PRDM16: variants seen among roughly 807,000 people sequenced by gnomAD.
PRDM16 encodes the protein PR/SET domain 16, also known as histone-lysine N-methyltransferase PRDM16.
In PRDM16, 23 loss-of-function variants were observed where a neutral mutation model predicts 110.6. The observed-to-expected ratio is 0.21, with a 90% CI of 0.15 to 0.29. PRDM16 has a LOEUF of 0.29. Ranked by LOEUF, PRDM16 falls within the 10% of genes least tolerant of loss-of-function variation. The pLI is 1.00. For synonymous variants in PRDM16, 799 were observed against 781.8 expected (o/e 1.02, Z -0.37); for missense variants, 1,615 against 1,794.3 (o/e 0.90, Z 1.81).
chr1:3,393,853 C>G (rs1044560329), intron 4 of PRDM16, among the ~76,000 whole-genome samples: 1 of 152,212 alleles, frequency 6.6e-6, no homozygotes, highest in Non-Finnish European at 1.5e-5. Context: ...GACCCCCGCC[C>G]CCGCCCCGCC....
chr1:3,374,633 C>G (rs1243694885), intron 3 of PRDM16, among the ~76,000 whole-genome samples: 1 of 152,148 alleles, frequency 6.6e-6, no homozygotes, highest in Non-Finnish European at 1.5e-5. Flanking sequence ...CATCTGAGAC[C>G]CTCCGGAAGG....
intron 3 of PRDM16, among the ~76,000 whole-genome samples, chr1:3,298,952 C>G (rs958442143): frequency 6.6e-6 from 1 of 152,232 alleles, no homozygotes; most frequent in Non-Finnish European, 1.5e-5. Context: ...TCCTCCCGTC[C>G]AGCCAGGGCT....
chr1:3,381,043 G>C (rs1643093434), intron 3 of PRDM16, among the ~76,000 whole-genome samples: 1 of 152,200 alleles, frequency 6.6e-6, no homozygotes, highest in Non-Finnish European at 1.5e-5. Context: ...CCATGACACA[G>C]AATCCACATT....
chr1:3,379,972 A>G (rs1158523653), intron 3 of PRDM16, among the ~76,000 whole-genome samples: 7 of 74,292 alleles, frequency 9.4e-5, no homozygotes, highest in East Asian at 4.5e-4. Context: ...ACCCCTCCCA[A>G]CACACTCATC....
At chr1:3,415,572 G>C (rs1489369614) in intron 10 of PRDM16, among the ~76,000 whole-genome samples, 1 of 152,252 alleles carries the variant, frequency 6.6e-6, no homozygotes, top group African/African-American at 2.4e-5. Flanking sequence ...GGGATGGGCT[G>C]GAAAGAGCCA....
At chr1:3,372,938 G>A (rs536893025) in intron 3 of PRDM16, among the ~76,000 whole-genome samples, 14 of 152,300 alleles carry the variant, frequency 9.2e-5, no homozygotes, top group South Asian at 8.3e-4. Flanking sequence ...CTGCGGGCTC[G>A]GGGAATGACT....
At chr1:3,369,477 G>A (rs1414007852) in intron 3 of PRDM16, among the ~76,000 whole-genome samples, 1 of 152,194 alleles carries the variant, frequency 6.6e-6, no homozygotes, top group Non-Finnish European at 1.5e-5. Flanking sequence ...CCAGATATCC[G>A]GCATTGCAGT....
intron 1 of PRDM16, among the ~76,000 whole-genome samples, chr1:3,109,083 A>AAATAATAATAAT (rs61356047): frequency 0.019 from 2,734 of 145,374 alleles, 62 homozygotes; most frequent in African/African-American, 0.058. Context: ...CTCCATCTCA[A>AAATAATAATAAT]AATAATAATA....
At chr1:3,260,559 G>A (rs1032171125) in intron 3 of PRDM16, among the ~76,000 whole-genome samples, 1 of 151,530 alleles carries the variant, frequency 6.6e-6, no homozygotes, top group Non-Finnish European at 1.5e-5. Flanking sequence ...TTGAGACTCA[G>A]AGTGAGATCA....
intron 2 of PRDM16, among the ~76,000 whole-genome samples, chr1:3,228,782 G>C (rs999439254): frequency 6.6e-6 from 1 of 152,134 alleles, no homozygotes; most frequent in Non-Finnish European, 1.5e-5. Flanking sequence ...TGTCCACCCA[G>C]CTTCCCAGGC....
At chr1:3,234,255 C>T (rs1270463640) in intron 2 of PRDM16, among the ~76,000 whole-genome samples, 1 of 152,208 alleles carries the variant, frequency 6.6e-6, no homozygotes, top group African/African-American at 2.4e-5. Flanking sequence ...TGGTCACCAA[C>T]AGAGGGGCTT....
At position 3,385,227 on chromosome 1, in the gene PRDM16, A is replaced by C; in HGVS notation, c.514A>C (p.Ile172Leu). ...GGGGGCTGGCAGCTGGCTCAAGTAC[A>C]TCCGTGTGGCGTGCTCCTGCGATGA... ...QAGAGSWLKY[I>L]RVACSCDDQN... Residue 172 changes from isoleucine (I) to leucine (L), a missense_variant, in exon 4 of 17, where the codon ATC becomes CTC. Ile to Leu is a conservative substitution (Grantham distance 5). Transcript: ENST00000270722. 2 of 1,613,688 alleles carry C rather than the reference A, an allele frequency of 1.2e-6. No homozygotes were observed. The highest frequency in any genetic ancestry group is 1.7e-6 in the Non-Finnish European group (2 of 1,179,998).
At chr1:3,178,126 T>G (rs893312439) in intron 1 of PRDM16, among the ~76,000 whole-genome samples, 1 of 152,154 alleles carries the variant, frequency 6.6e-6, no homozygotes, top group African/African-American at 2.4e-5. Flanking sequence ...ATCCTCCCCC[T>G]GCCAGCGATA....
chr1:3,309,062 C>G (rs1344561001), intron 3 of PRDM16: 2 of 152,194 alleles, frequency 1.3e-5, no homozygotes, highest in African/African-American at 2.4e-5. Flanking sequence ...CCCCTGGTAT[C>G]CCCCAGTTCC....
At chr1:3,354,005 T>C (rs976113887) in intron 3 of PRDM16, among the ~76,000 whole-genome samples, 2 of 152,196 alleles carry the variant, frequency 1.3e-5, no homozygotes, top group Admixed American at 6.5e-5. Context: ...GGACTCCCAG[T>C]AGCTTTCTCC....
chr1:3,211,978 T>A (rs1157298081), intron 2 of PRDM16, among the ~76,000 whole-genome samples: 1 of 152,148 alleles, frequency 6.6e-6, no homozygotes, highest in African/African-American at 2.4e-5. Context: ...ATAAATAGCT[T>A]CCTACCTTGC....
At chr1:3,280,535 G>A (rs540806560) in intron 3 of PRDM16, among the ~76,000 whole-genome samples, 4 of 152,286 alleles carry the variant, frequency 2.6e-5, no homozygotes, top group East Asian at 1.9e-4. Flanking sequence ...AACAAGGTCC[G>A]TCCTTCCCAC....
chr1:3,160,065 C>T (rs1014037443), intron 1 of PRDM16, among the ~76,000 whole-genome samples: 32 of 152,238 alleles, frequency 2.1e-4, no homozygotes, highest in Non-Finnish European at 2.4e-4. Context: ...GATTCACACA[C>T]TCAGTGTCAG....
intron 3 of PRDM16, among the ~76,000 whole-genome samples, chr1:3,335,827 C>T (rs993774883): frequency 1.3e-5 from 2 of 152,234 alleles, no homozygotes; most frequent in African/African-American, 4.8e-5. Context: ...GCCACCTCTG[C>T]CCAGGTTCAC....
Sources: allele counts gnomAD v4.1 joint callset (sites outside exome capture counted in the v4.1 genomes callset), GRCh38; gene constraint gnomAD v4.1.1; transcripts MANE v1.5; gene names NCBI Gene and HGNC (gene_info 2026-07-23, HGNC 2026-07-21).